ZDHHC6: variants seen among roughly 807,000 people sequenced by gnomAD.
The protein encoded by ZDHHC6 is palmitoyltransferase ZDHHC6.
Under a neutral mutation model 57.8 loss-of-function variants are expected in ZDHHC6, and 32 were observed. That is an observed-to-expected ratio of 0.55 (90% CI 0.42 to 0.74). The LOEUF is 0.74. Among genes scored for constraint, ZDHHC6 ranks in the 30% least tolerant of loss-of-function variants. The pLI, the probability that ZDHHC6 is intolerant of heterozygous loss-of-function variation, is 0.00. For missense variants in ZDHHC6, 433 were observed against 500.7 expected, an observed-to-expected ratio of 0.86 and a Z score of 1.29; for synonymous variants, 128 against 158.0, an observed-to-expected ratio of 0.81 and a Z score of 1.42.
In ZDHHC6 at chr10:112,430,874, T is replaced by A. The variant is rs1271626853; in HGVS notation, c.1172A>T (p.Lys391Ile). Residue 391 changes from lysine (K) to isoleucine (I), a missense_variant, in exon 11 of 11, where the codon AAA becomes ATA. By Grantham distance (102) the Lys-to-Ile change is moderately radical. Coordinates refer to ENST00000369405, the MANE Select transcript of ZDHHC6 (RefSeq NM_022494.3). The stretch of plus-strand genomic sequence containing the variant: ...ATCACAGGGACACTTTTCCACACAT[T>A]TTCTAGGGAACCAACCCCTTATTCT... Reference protein sequence around the residue: ...VSRIRGWFPRKCVEKCPCDAE... With the variant: ...VSRIRGWFPRICVEKCPCDAE... 1 of 1,613,852 alleles carries A rather than the reference T, an allele frequency of 6.2e-7. No individual in the cohort carries two copies. Among genetic ancestry groups the A allele is most frequent in the Non-Finnish European group, 8.5e-7 (1 of 1,179,888 alleles).
exon 12 of ZDHHC6, chr10:112,424,691 A>G (rs938459637): frequency 2.0e-5 from 3 of 152,220 alleles, no homozygotes; most frequent in African/African-American, 7.2e-5. Context: ...GGGTGTTAGC[A>G]TGTGGATTTT....
intron 6 of ZDHHC6, 131 bp from the exon 7 acceptor site, chr10:112,434,595 T>C (rs185785533): frequency 2.6e-5 from 24 of 918,038 alleles, no homozygotes; most frequent in Admixed American, 1.6e-4. Context: ...GTAATATTAG[T>C]GTACATGGAA....
Position 112,440,680 on chromosome 10 carries a change from TCCAC to T in ZDHHC6, c.531_534del (p.Trp178ThrfsTer3). Reference sequence around the variant, plus strand: ...GCACTCATGTCGATCTTCACTGTGTTCCACCCAAAGGAGAGCTATCGCAGCAACA... The same window carrying T: ...GCACTCATGTCGATCTTCACTGTGTTCCAAAGGAGAGCTATCGCAGCAACA... On this transcript the variant is annotated frameshift_variant, in exon 5 of 11. Transcript: ENST00000369405. LOFTEE classifies it high-confidence loss of function. The T allele has an allele frequency of 6.2e-7, 1 of 1,613,464 alleles. No homozygotes were observed. The highest frequency in any genetic ancestry group is 1.1e-5 in the South Asian group (1 of 90,948).
At chr10:112,431,040 T>C (rs1844974010) in intron 10 of ZDHHC6, 133 bp from the exon 11 acceptor site, 2 of 709,670 alleles carry the variant, frequency 2.8e-6, no homozygotes, top group Non-Finnish European at 2.3e-6. Flanking sequence ...CTATCTATTA[T>C]AAGCACAGTT....
intron 1 of ZDHHC6, among the ~76,000 whole-genome samples, chr10:112,445,973 G>A (rs1846631636): frequency 6.6e-6 from 1 of 152,196 alleles, no homozygotes. Flanking sequence ...CCTTAGAGTT[G>A]ATCTAATTCA....
chr10:112,434,576 C>T, intron 6 of ZDHHC6, 112 bp from the exon 7 acceptor site: 5 of 1,111,490 alleles, frequency 4.5e-6, no homozygotes, highest in Non-Finnish European at 6.2e-6. Flanking sequence ...AAAATACTTC[C>T]TCCTTGCTGT....
chr10:112,438,313 A>AAT, intron 6 of ZDHHC6, 23 bp downstream of exon 6: 1 of 1,281,626 alleles, frequency 7.8e-7, no homozygotes, highest in Non-Finnish European at 1.0e-6. Flanking sequence ...TTTAATATTG[A>AAT]AGAAACAATT....
intron 7 of ZDHHC6, 50 bp from the exon 8 acceptor site, chr10:112,433,331 T>C (rs1277079593): frequency 4.8e-6 from 7 of 1,457,348 alleles, no homozygotes; most frequent in Middle Eastern, 3.6e-4. Flanking sequence ...GTCTCAATGT[T>C]GAAAAATCGC....
chr10:112,433,286 T>G lies in ZDHHC6; in HGVS notation c.904-5A>C. The G allele has an allele frequency of 6.4e-7, 1 of 1,562,374 alleles. No individual in the cohort carries two copies. The highest frequency in any genetic ancestry group is 8.6e-7 in the Non-Finnish European group (1 of 1,158,148). On this transcript the variant is annotated splice_region_variant and splice_polypyrimidine_tract_variant and intron_variant, in intron 7 of 10. Coordinates refer to ENST00000369405, the MANE Select transcript of ZDHHC6 (RefSeq NM_022494.3). Reference sequence around the variant, plus strand: ...TTTTTGTTTCAACTGTTCTATCTGTTTGGAAGAAATAAAAAGAAAAAAATG... The same window carrying G: ...TTTTTGTTTCAACTGTTCTATCTGTGTGGAAGAAATAAAAAGAAAAAAATG...
At position 112,445,574 on chromosome 10, in the gene ZDHHC6, A is replaced by G; in HGVS notation, c.-138T>C. On this transcript the variant is annotated 5_prime_UTR_variant, in exon 2 of 11. An upstream open reading frame in the 5' UTR loses its in-frame stop. Coordinates refer to ENST00000369405, the MANE Select transcript of ZDHHC6 (RefSeq NM_022494.3). ...AAGCTGTGAACTGTTAACGCAGATTACACCATTTTCACTGTCAGGCACCCA... is the reference window on the plus strand; with the variant it reads ...AAGCTGTGAACTGTTAACGCAGATTGCACCATTTTCACTGTCAGGCACCCA... The G allele has an allele frequency of 9.8e-7, 1 of 1,022,608 alleles. No homozygotes were observed. The allele number at this position is 1,022,608 out of a possible 1,614,324, so 63.3% of individuals were successfully genotyped here.
rs779062891 is a variant in ZDHHC6, at chr10:112,430,848, C to T, written c.1198G>A (p.Ala400Thr). 6.2e-7 allele frequency: 1 copy of T among 1,613,944 alleles called. No homozygotes were observed. The highest frequency in any genetic ancestry group is 2.2e-5 in the East Asian group (1 of 44,868). Residue 400 changes from alanine (A) to threonine (T), a missense_variant, in exon 11 of 11, where the codon GCT (alanine) becomes ACT (threonine). Physicochemically the swap from Ala to Thr is moderately conservative, Grantham distance 58. Transcript: ENST00000369405. ...CCCTCTGGGGCTTGATCTGTTTCAG[C>T]ATCACAGGGACACTTTTCCACACAT... ...RKCVEKCPCD[A>T]ETDQAPEGEK...
downstream of ZDHHC6, chr10:112,426,639 T>C: frequency 1.4e-6 from 1 of 692,810 alleles, no homozygotes. Context: ...AGTTTTTCTT[T>C]CAATATTGGG....
At chr10:112,434,177 T>A (rs775355905) in intron 7 of ZDHHC6, 120 bp downstream of exon 7, 1 of 981,426 alleles carries the variant, frequency 1.0e-6, no homozygotes, top group Admixed American at 3.2e-5. Context: ...TAGATTCATT[T>A]TGACATAGTG....
In ZDHHC6 at chr10:112,440,701, G is replaced by A. The variant is rs370866423; in HGVS notation, c.520-6C>T. ...GTGTTCCACCCAAAGGAGAGCTATCGCAGCAACAATAGCACACGCACAAAA... is the reference window on the plus strand; with the variant it reads ...GTGTTCCACCCAAAGGAGAGCTATCACAGCAACAATAGCACACGCACAAAA... On this transcript the variant is annotated splice_polypyrimidine_tract_variant and splice_region_variant and intron_variant, in intron 4 of 10. Coordinates refer to ENST00000369405, the MANE Select transcript of ZDHHC6 (RefSeq NM_022494.3). 31 of 1,609,614 alleles carry A rather than the reference G, an allele frequency of 1.9e-5. No homozygotes were observed. Among genetic ancestry groups the A allele is most frequent in the Admixed American group, 8.4e-5 (5 of 59,740 alleles).
chr10:112,441,070 T>C (rs1226535768), intron 4 of ZDHHC6, among the ~76,000 whole-genome samples: 3 of 152,132 alleles, frequency 2.0e-5, no homozygotes, highest in African/African-American at 7.2e-5. Context: ...GGTCTTGAAC[T>C]CCTGACCTTG....
Position 112,440,531 on chromosome 10 carries a change from T to G in ZDHHC6, c.681+3A>C. ...TTTGACTTGAGGTAATTGAGATGCT[T>G]ACCTGGATAAAAAACAACATCCCAA... is the stretch of plus-strand genomic sequence containing the variant. On this transcript the variant is annotated splice_donor_region_variant and intron_variant, in intron 5 of 10. Coordinates refer to ENST00000369405, the MANE Select transcript of ZDHHC6 (RefSeq NM_022494.3). 1.2e-6 allele frequency: 2 copies of G among 1,612,344 alleles called. No individual in the cohort carries two copies. Among genetic ancestry groups the G allele is most frequent in the Non-Finnish European group, 8.5e-7 (1 of 1,178,874 alleles).
chr10:112,434,406 A>G lies in ZDHHC6; in HGVS notation c.794T>C (p.Met265Thr), dbSNP rs769262749. 9 of 1,613,862 alleles carry G rather than the reference A, an allele frequency of 5.6e-6. No homozygotes were observed. The African/African-American group carries it at 8.0e-5, about 14-fold the overall frequency. Residue 265 changes from methionine (M) to threonine (T), a missense_variant, in exon 7 of 11, where the codon ATG becomes ACG. Physicochemically the swap from Met to Thr is moderately conservative, Grantham distance 81 (BLOSUM62 -1). Transcript: ENST00000369405. ...TTTAAAGTTCCTCCATCTACTTCCC[A>G]TATCATATGGAAAAACAAAGACTTC... ...LDEVFVFPYD[M>T]GSRWRNFKQV...
At chr10:112,425,572 G>T, downstream of ZDHHC6, 16 of 922,984 alleles carry the variant, frequency 1.7e-5, no homozygotes, top group South Asian at 3.4e-5. Context: ...GGTTCAGAAT[G>T]AGAAGATCCA....
Position 112,433,224 on chromosome 10 carries a change from C to A in ZDHHC6, c.945+16G>T. 1 of 1,572,218 alleles carries A rather than the reference C, an allele frequency of 6.4e-7. No homozygotes were observed. The highest frequency in any genetic ancestry group is 8.6e-7 in the Non-Finnish European group (1 of 1,163,684). ...ACAAAAGAAAAAAAAATTACCACTG[C>A]AAAAGAAGTACTTACACTTCTGACT... On this transcript the variant is annotated intron_variant, in intron 8 of 10. Transcript: ENST00000369405.
Sources: gnomAD v4.1 joint callset for allele counts (sites outside exome capture counted in the v4.1 genomes callset) on GRCh38, gnomAD v4.1.1 for gene constraint, MANE v1.5 for transcripts, NCBI Gene and HGNC (gene_info 2026-07-23, HGNC 2026-07-21) for gene names.